Variants in RPS6KC1 observed in about 807,000 individuals in gnomAD.
The protein encoded by RPS6KC1 is ribosomal protein S6 kinase C1, also known as inactive ribosomal protein S6 kinase delta-1.
Under a neutral mutation model 103.8 loss-of-function variants are expected in RPS6KC1, and 54 were observed. The observed-to-expected ratio is 0.52, with a 90% confidence interval of 0.42 to 0.65. The LOEUF (loss-of-function observed/expected upper bound fraction) is 0.65, where lower values mean the gene tolerates loss of function less well. Ranked by LOEUF, RPS6KC1 falls within the 30% of genes least tolerant of loss-of-function variation. The probability of loss-of-function intolerance (pLI) is 0.00; values close to 1 mark genes in which losing one functional copy is unlikely to be tolerated. For synonymous variants in RPS6KC1, 439 were observed against 438.7 expected (o/e 1.00, Z -0.01); for missense variants, 1,151 against 1,253.8 (o/e 0.92, Z 1.24).
chr1:213,789,833 C>T, the RPS6KC1 span, among the ~76,000 whole-genome samples: 10 of 152,174 alleles, frequency 6.6e-5, no homozygotes, highest in African/African-American at 2.4e-4. Flanking sequence ...TCACATCATT[C>T]TGTACTGGAG....
the RPS6KC1 span, among the ~76,000 whole-genome samples, chr1:213,553,207 T>G: frequency 6.6e-6 from 1 of 152,284 alleles, no homozygotes; most frequent in East Asian, 1.9e-4. Context: ...CTCCCTTTTT[T>G]GTGTCCATGT....
chr1:213,232,453 T>C (rs1388205072), intron 10 of RPS6KC1, among the ~76,000 whole-genome samples, 198 bp downstream of exon 10: 1 of 152,206 alleles, frequency 6.6e-6, no homozygotes, highest in Non-Finnish European at 1.5e-5. Context: ...TCATGTGAAC[T>C]ATGGTACCAT....
chr1:213,754,452 G>T, the RPS6KC1 span, among the ~76,000 whole-genome samples: 45,805 of 152,090 alleles, frequency 0.3, 8,635 homozygotes, highest in African/African-American at 0.53. Context: ...TGGGGCCTGG[G>T]GGGAGGTGAC....
chr1:213,602,143 T>G, the RPS6KC1 span, among the ~76,000 whole-genome samples: 1 of 88,806 alleles, frequency 1.1e-5, no homozygotes, highest in Non-Finnish European at 2.2e-5. Flanking sequence ...TCTTTCTTTC[T>G]TTCTTTCTTT....
the RPS6KC1 span, among the ~76,000 whole-genome samples, chr1:213,795,817 C>T: frequency 1.5e-4 from 23 of 152,208 alleles, no homozygotes; most frequent in African/African-American, 4.8e-4. Flanking sequence ...TTCTCTGCCC[C>T]GCTGGTTTCG....
At chr1:213,353,380 G>A in the RPS6KC1 span, among the ~76,000 whole-genome samples, 1 of 152,192 alleles carries the variant, frequency 6.6e-6, no homozygotes, top group East Asian at 1.9e-4. Flanking sequence ...ATCTTCTGAT[G>A]TAACTACTGG....
the RPS6KC1 span, among the ~76,000 whole-genome samples, chr1:213,545,418 A>AT: frequency 1.1e-4 from 9 of 78,406 alleles, no homozygotes; most frequent in East Asian, 4.0e-3. Context: ...AAATAAATAA[A>AT]ATAAAATAAA....
At chr1:213,317,482 C>T in the RPS6KC1 span, among the ~76,000 whole-genome samples, 1 of 152,178 alleles carries the variant, frequency 6.6e-6, no homozygotes, top group African/African-American at 2.4e-5. Context: ...GGACACAAAT[C>T]CTATCAGTGA....
the RPS6KC1 span, among the ~76,000 whole-genome samples, chr1:213,783,502 C>A: frequency 1.3e-5 from 2 of 152,132 alleles, no homozygotes; most frequent in Admixed American, 6.5e-5. Context: ...TCCTCGCTTT[C>A]ATGGAGCTCC....
the RPS6KC1 span, among the ~76,000 whole-genome samples, chr1:213,540,089 GA>G: frequency 6.7e-6 from 1 of 149,812 alleles, no homozygotes; most frequent in Admixed American, 6.7e-5. Flanking sequence ...TGGTGGTTCT[GA>G]AGGTTGGGGT....
At chr1:213,232,306 G>A (rs201198640) in intron 10 of RPS6KC1, 51 bp downstream of exon 10, 1 of 1,608,440 alleles carries the variant, frequency 6.2e-7, no homozygotes. Flanking sequence ...CACCTACTTA[G>A]CTTCCAGTTT....
chr1:213,504,438 ATTG>A, the RPS6KC1 span, among the ~76,000 whole-genome samples: 1 of 151,874 alleles, frequency 6.6e-6, no homozygotes, highest in African/African-American at 2.4e-5. Flanking sequence ...ATCCAGATGT[ATTG>A]TTCTCTATGT....
the RPS6KC1 span, among the ~76,000 whole-genome samples, chr1:213,380,775 GTTC>G: frequency 6.6e-6 from 1 of 152,180 alleles, no homozygotes; most frequent in Non-Finnish European, 1.5e-5. Context: ...AGCAGTGATG[GTTC>G]TTCTTCCTCG....
the RPS6KC1 span, among the ~76,000 whole-genome samples, chr1:213,775,620 T>C: frequency 6.6e-6 from 1 of 152,224 alleles, no homozygotes; most frequent in East Asian, 1.9e-4. Flanking sequence ...CATAATCTTT[T>C]TGCTGGAGTG....
the RPS6KC1 span, among the ~76,000 whole-genome samples, chr1:213,700,650 T>C: frequency 6.6e-6 from 1 of 152,222 alleles, no homozygotes; most frequent in South Asian, 2.1e-4. Context: ...TTGGGTAGTA[T>C]GGACATTTTA....
At chr1:213,696,521 A>G in the RPS6KC1 span, among the ~76,000 whole-genome samples, 9 of 149,398 alleles carry the variant, frequency 6.0e-5, no homozygotes, top group Non-Finnish European at 1.0e-4. Flanking sequence ...AAAAAAAAAA[A>G]AAAAAAAAGA....
At chr1:213,448,893 C>T in the RPS6KC1 span, among the ~76,000 whole-genome samples, 2 of 152,106 alleles carry the variant, frequency 1.3e-5, no homozygotes, top group South Asian at 2.1e-4. Context: ...GATTTTCTGT[C>T]CCTGACCCCC....
chr1:213,206,836 G>A (rs2093363523), intron 8 of RPS6KC1, among the ~76,000 whole-genome samples: 1 of 152,174 alleles, frequency 6.6e-6, no homozygotes, highest in African/African-American at 2.4e-5. Context: ...TCTAGGGCCA[G>A]GTGTGGTGGC....
At chr1:213,598,293 C>G in the RPS6KC1 span, among the ~76,000 whole-genome samples, 1 of 152,192 alleles carries the variant, frequency 6.6e-6, no homozygotes, top group African/African-American at 2.4e-5. Context: ...AGTACACAAC[C>G]TTGCATGTAC....
Sources: allele counts gnomAD v4.1 joint callset (sites outside exome capture counted in the v4.1 genomes callset), GRCh38; gene constraint gnomAD v4.1.1; transcripts MANE v1.5; gene names NCBI Gene and HGNC (gene_info 2026-07-23, HGNC 2026-07-21).